Variants in NSUN6 observed in about 807,000 individuals in gnomAD.
NSUN6 encodes the protein NOP2/Sun RNA methyltransferase 6.
In NSUN6, 64 loss-of-function variants were observed where a neutral mutation model predicts 58.0. The observed-to-expected ratio is 1.10, with a 90% CI of 0.90 to 1.36. NSUN6 has a LOEUF of 1.36. NSUN6 is among the 40% of genes most tolerant of loss of function. The pLI is 0.00. For missense variants in NSUN6, 701 were observed against 550.1 expected, an observed-to-expected ratio of 1.27 and a Z score of -2.74; for synonymous variants, 231 against 193.9, an observed-to-expected ratio of 1.19 and a Z score of -1.59.
At chr10:18,624,321 T>C (rs1298835475) in intron 3 of NSUN6, among the ~76,000 whole-genome samples, 5 of 151,858 alleles carry the variant, frequency 3.3e-5, no homozygotes, top group East Asian at 1.9e-4. Context: ...ATAAAACTTA[T>C]CTCCTATACT....
At chr10:18,650,461 A>C (rs1314495374) in intron 1 of NSUN6, among the ~76,000 whole-genome samples, 1 of 152,228 alleles carries the variant, frequency 6.6e-6, no homozygotes, top group Non-Finnish European at 1.5e-5. Flanking sequence ...AGATATTTTT[A>C]ACCATTCTCA....
chr10:18,616,072 C>T (rs1004487772), intron 4 of NSUN6, 112 bp downstream of exon 4: 2 of 645,088 alleles, frequency 3.1e-6, no homozygotes, highest in South Asian at 2.0e-5. Flanking sequence ...GGAAAAATAC[C>T]CGACCAAGAA....
upstream of NSUN6, chr10:18,654,534 C>T (rs1463461862): frequency 6.6e-6 from 1 of 152,206 alleles, no homozygotes; most frequent in Non-Finnish European, 1.5e-5. Flanking sequence ...ACAGCAGCTC[C>T]AGTCTAAGCT....
At chr10:18,657,203 T>C (rs1004766796), upstream of NSUN6, among the ~76,000 whole-genome samples, 4 of 152,230 alleles carry the variant, frequency 2.6e-5, no homozygotes, top group Non-Finnish European at 4.4e-5. Context: ...AATACACAAC[T>C]ATATTCTGTT....
At chr10:18,631,986 A>G (rs908203039) in intron 3 of NSUN6, among the ~76,000 whole-genome samples, 3 of 152,032 alleles carry the variant, frequency 2.0e-5, no homozygotes, top group East Asian at 1.9e-4. Context: ...GAGGCATCAC[A>G]CTACCTGACT....
chr10:18,651,836 G>C (rs1342208653), upstream of NSUN6: 4 of 985,328 alleles, frequency 4.1e-6, no homozygotes, highest in Admixed American at 6.1e-5. Flanking sequence ...TCCCGGTACC[G>C]GAGGGCTAGG....
At chr10:18,574,689 A>T (rs1554857540) in intron 8 of NSUN6, among the ~76,000 whole-genome samples, 1 of 152,164 alleles carries the variant, frequency 6.6e-6, no homozygotes, top group Non-Finnish European at 1.5e-5. Flanking sequence ...TACTTACAGA[A>T]CCAGGAAGGA....
chr10:18,630,539 T>C (rs1590137345), intron 3 of NSUN6, among the ~76,000 whole-genome samples: 1 of 151,526 alleles, frequency 6.6e-6, no homozygotes, highest in East Asian at 1.9e-4. Context: ...GAGAGAAGAA[T>C]CAAATAGATG....
chr10:18,640,675 T>C (rs2059364319), intron 3 of NSUN6, among the ~76,000 whole-genome samples: 2 of 152,160 alleles, frequency 1.3e-5, no homozygotes, highest in Admixed American at 1.3e-4. Context: ...GGGGTGGGTC[T>C]TGGCTGCACA....
intron 8 of NSUN6, among the ~76,000 whole-genome samples, chr10:18,573,072 T>A (rs1034475051): frequency 3.3e-5 from 5 of 151,272 alleles, no homozygotes; most frequent in East Asian, 2.0e-4. Flanking sequence ...TTCCATTCCA[T>A]TCTCCGTTCC....
upstream of NSUN6, chr10:18,655,311 C>T (rs2059765267): frequency 6.2e-6 from 1 of 162,598 alleles, no homozygotes; most frequent in African/African-American, 2.4e-5. Flanking sequence ...GATTCCAGTT[C>T]TTGCAACCTC....
At chr10:18,556,355 A>G (rs2133460993) in intron 8 of NSUN6, among the ~76,000 whole-genome samples, 1 of 151,486 alleles carries the variant, frequency 6.6e-6, no homozygotes, top group South Asian at 2.1e-4. Context: ...AGTAGTATGG[A>G]ATGCAATAGA....
chr10:18,551,244 T>TTGTGTGTGTGTGTGTGTG lies in NSUN6; in HGVS notation c.1071+561_1071+578dup, dbSNP rs35396134. On this transcript the variant is annotated intron_variant, in intron 9 of 10. Coordinates refer to ENST00000377304, the MANE Select transcript of NSUN6 (RefSeq NM_182543.5). ...TATATTTAAAACTAGGTCCTCTCAG[T>TTGTGTGTGTGTGTGTGTG]TGTGTGTGTGTGTGTGTGTGTGTGT... Among the ~76,000 whole-genome samples, 293 of 127,168 alleles carry TTGTGTGTGTGTGTGTGTG rather than the reference T, an allele frequency of 2.3e-3. 2 individuals are homozygous for TTGTGTGTGTGTGTGTGTG. Among genetic ancestry groups the TTGTGTGTGTGTGTGTGTG allele is most frequent in the East Asian group, 9.8e-3 (37 of 3,772 alleles). 83.4% of individuals were successfully genotyped at this position (127,168 alleles called of 152,430 possible).
intron 2 of NSUN6, among the ~76,000 whole-genome samples, chr10:18,643,110 G>A (rs117969136): frequency 2.0e-5 from 3 of 152,032 alleles, no homozygotes; most frequent in Non-Finnish European, 4.4e-5. Context: ...GCCACTGCAT[G>A]CATCTCTTTC....
chr10:18,551,587 T>C (rs2054607944), intron 9 of NSUN6: 1 of 374,154 alleles, frequency 2.7e-6, no homozygotes, highest in East Asian at 4.0e-5. Context: ...AGCATAATGT[T>C]TTCCAGGTTC....
At chr10:18,630,352 A>T (rs563389132) in intron 3 of NSUN6, among the ~76,000 whole-genome samples, 1 of 151,172 alleles carries the variant, frequency 6.6e-6, no homozygotes, top group East Asian at 1.9e-4. Flanking sequence ...GAACTAGAAA[A>T]GCAAGAGCAA....
At chr10:18,607,265 T>C (rs1327776044) in intron 6 of NSUN6, among the ~76,000 whole-genome samples, 1 of 152,270 alleles carries the variant, frequency 6.6e-6, no homozygotes, top group African/African-American at 2.4e-5. Context: ...TACTATTATA[T>C]GTAAATGTGA....
rs2054396282 is a variant in NSUN6 at position 18,548,163 on chromosome 10, T to C, written c.1146A>G (p.Glu382=). 1 of 1,613,766 alleles carries C rather than the reference T, an allele frequency of 6.2e-7. No individual in the cohort carries two copies. The highest frequency in any genetic ancestry group is 1.1e-5 in the South Asian group (1 of 91,060). The part of the protein sequence containing the change: ...TCTITLAENE[E]QVAWALTKFP... ...ATTTTGTCAGGGCCCAGGCAACCTG[T>C]TCTTCATTTTCGGCCAGTGTTATAG... Residue 382 remains glutamate, a synonymous_variant, in exon 10 of 11, where the codon GAA becomes GAG. Coordinates refer to ENST00000377304, the MANE Select transcript of NSUN6 (RefSeq NM_182543.5).
chr10:18,585,244 G>C (rs1403558559), intron 8 of NSUN6, among the ~76,000 whole-genome samples: 3 of 152,136 alleles, frequency 2.0e-5, no homozygotes, highest in African/African-American at 7.2e-5. Flanking sequence ...CAGCCATTAT[G>C]TAAAATGGTA....
Sources: allele counts gnomAD v4.1 joint callset (sites outside exome capture counted in the v4.1 genomes callset), GRCh38; gene constraint gnomAD v4.1.1; transcripts MANE v1.5; gene names NCBI Gene and HGNC (gene_info 2026-07-23, HGNC 2026-07-21).